The following SERPINB6 variants were observed in gnomAD, a reference collection of about 807,000 sequenced individuals.
The protein encoded by SERPINB6 is serpin B6.
In SERPINB6, 16 loss-of-function variants were observed where a neutral mutation model predicts 26.1. The ratio of observed to expected loss-of-function variants is 0.61; its 90% CI spans 0.42 to 0.93. The LOEUF (loss-of-function observed/expected upper bound fraction) is 0.93. SERPINB6 is among the 40% of genes least tolerant of loss of function. The pLI, the probability that SERPINB6 is intolerant of heterozygous loss-of-function variation, is 0.00. For missense variants in SERPINB6, 420 were observed against 478.0 expected (o/e 0.88, Z 1.13); for synonymous variants, 174 against 176.6 (o/e 0.99, Z 0.11).
chr6:2,953,252 C>T (rs1247057647), intron 4 of SERPINB6, 66 bp from the exon 5 acceptor site: 5 of 1,606,742 alleles, frequency 3.1e-6, no homozygotes, highest in Non-Finnish European at 4.3e-6. Flanking sequence ...CATCAGGAAT[C>T]GGCTGGGGCC....
intron 1 of SERPINB6, among the ~76,000 whole-genome samples, chr6:2,962,398 G>A (rs972234603): frequency 1.3e-5 from 2 of 152,200 alleles, no homozygotes; most frequent in Non-Finnish European, 2.9e-5. Flanking sequence ...CAGGATATTC[G>A]GAGGAGATGG....
intron 1 of SERPINB6, chr6:2,970,724 C>CAAAAAAAAAAAA (rs70995402): frequency 1.2e-6 from 1 of 811,652 alleles, no homozygotes; most frequent in African/African-American, 2.3e-5. Context: ...ATCTTTAGGA[C>CAAAAAAAAAAAA]AAAAAAAAAA....
intron 1 of SERPINB6, chr6:2,962,027 G>A: frequency 3.0e-6 from 3 of 985,280 alleles, no homozygotes; most frequent in Non-Finnish European, 3.6e-6. Context: ...CCAGCCTAAA[G>A]GACTTTTAAT....
intron 1 of SERPINB6, among the ~76,000 whole-genome samples, chr6:2,964,272 C>G (rs928080548): frequency 3.3e-5 from 5 of 152,102 alleles, no homozygotes; most frequent in African/African-American, 1.2e-4. Context: ...ATTAAAAATT[C>G]CACTTCTAGG....
intron 2 of SERPINB6, among the ~76,000 whole-genome samples, chr6:2,958,570 CCAGCGGAGAAGGCCA>C (rs1554102787): frequency 1.1e-5 from 1 of 87,396 alleles, no homozygotes; most frequent in Non-Finnish European, 3.0e-5. Context: ...GTGGAAGGCC[CCAGCGGAGAAGGCCA>C]CGGAGAAGAC....
intron 1 of SERPINB6, chr6:2,962,246 T>A (rs769340339): frequency 1.0e-6 from 1 of 979,474 alleles, no homozygotes; most frequent in African/African-American, 1.8e-5. Flanking sequence ...TCGGTGCACA[T>A]GAGTTTCACT....
chr6:2,969,847 T>C, intron 1 of SERPINB6: 1 of 971,132 alleles, frequency 1.0e-6, no homozygotes, highest in Non-Finnish European at 1.2e-6. Context: ...AGTTAAACAT[T>C]ATTTTCAGGC....
In SERPINB6 at chr6:2,955,673, G is replaced by A. The variant is rs1770392928; in HGVS notation, c.166-3C>T. 6.2e-7 allele frequency: 1 copy of A among 1,614,126 alleles called. No individual in the cohort carries two copies. ...CCACTTTTATTGAAAGAAAGTATCT[G>A]AAATCAAAAACAGAATGAAAACAAA... is the stretch of plus-strand genomic sequence containing the variant. On this transcript the variant is annotated splice_polypyrimidine_tract_variant and splice_region_variant and intron_variant, in intron 2 of 6. Coordinates refer to ENST00000380539, the MANE Select transcript of SERPINB6 (RefSeq NM_004568.6).
At chr6:2,963,394 C>A (rs1232023952) in intron 1 of SERPINB6, 4 of 152,210 alleles carry the variant, frequency 2.6e-5, no homozygotes, top group African/African-American at 9.7e-5. Flanking sequence ...TCTTTAAGTA[C>A]CATGTCTCCA....
intron 1 of SERPINB6, chr6:2,960,447 GATGCAGGA>G (rs1770973089): frequency 6.6e-6 from 1 of 152,310 alleles, no homozygotes; most frequent in Non-Finnish European, 1.5e-5. Flanking sequence ...GGAAGGAGGG[GATGCAGGA>G]ATGCAGGGAT....
At chr6:2,953,012 A>AGAG (rs766046601) in intron 5 of SERPINB6, 32 bp downstream of exon 5, 3 of 1,613,576 alleles carry the variant, frequency 1.9e-6, no homozygotes, top group Non-Finnish European at 2.5e-6. Flanking sequence ...GTGTGAACAC[A>AGAG]GGCGCTGCTC....
rs144890174 is a variant in SERPINB6, at chr6:2,959,185, C to T, written c.148G>A (p.Ala50Thr). ...AGCTGTACCTGGGCCATCTGTGCAG[C>T]GGTGTTTCCCTTTGCCCCCATGTAG... The part of the protein sequence containing the change: ...MVYMGAKGNT[A>T]AQMAQILSFN... The change falls in exon 2 of 7, where the codon GCT becomes ACT. Residue 50 changes from alanine to threonine, a missense_variant. Coordinates refer to ENST00000380539, the MANE Select transcript of SERPINB6 (RefSeq NM_004568.6). The T allele has an allele frequency of 3.4e-5, 55 of 1,614,198 alleles. No homozygotes were observed. The African/African-American group carries it at 3.5e-4, about 10-fold the overall frequency.
intron 5 of SERPINB6, among the ~76,000 whole-genome samples, chr6:2,952,535 G>T (rs977243766): frequency 6.6e-6 from 1 of 152,240 alleles, no homozygotes; most frequent in African/African-American, 2.4e-5. Flanking sequence ...ACAAAAATCT[G>T]TACTTATCCT....
chr6:2,948,745 C>T lies in SERPINB6; in HGVS notation c.730-46G>A, dbSNP rs763146409. 1.3e-5 allele frequency: 21 copies of T among 1,584,456 alleles called. No homozygotes were observed. Among genetic ancestry groups the T allele is most frequent in the Non-Finnish European group, 1.8e-5 (21 of 1,153,756 alleles). ...ACTTTAAGACCCAGGGTGCTGCTGC[C>T]CAGCAGGGCCCTGTGCTATGCTGTG... On this transcript the variant is annotated intron_variant, in intron 6 of 6. Transcript: ENST00000380539. The surrounding 1 kb of genome is among the most constrained non-coding windows in gnomAD (Gnocchi z 5.0).
chr6:2,964,925 C>G (rs758808628), intron 1 of SERPINB6, among the ~76,000 whole-genome samples: 2 of 152,338 alleles, frequency 1.3e-5, no homozygotes, highest in Admixed American at 6.5e-5. Flanking sequence ...CAGCCTCGAA[C>G]TCCTGGCCTC....
Position 2,948,953 on chromosome 6 carries a change from C to A in SERPINB6, c.690G>T (p.Met230Ile). 1 of 1,614,236 alleles carries A rather than the reference C, an allele frequency of 6.2e-7. No individual in the cohort carries two copies. Among genetic ancestry groups the A allele is most frequent in the Non-Finnish European group, 8.5e-7 (1 of 1,180,046 alleles). ...VLPYVGKELN[M>I]IIMLPDETTD... The stretch of plus-strand genomic sequence containing the variant: ...TGGTCTCGTCCGGAAGCATGATGAT[C>A]ATATTCAGTTCCTTGCCAACATATG... The change falls in exon 6 of 7, where the codon ATG becomes ATT. Residue 230 changes from methionine (M) to isoleucine (I), a missense_variant. Transcript: ENST00000380539. This position sits in a 1 kb window ranked among gnomAD's most constrained non-coding sequence, Gnocchi z 5.0.
At chr6:2,969,934 A>G (rs1370846040) in intron 1 of SERPINB6, 36 of 742,452 alleles carry the variant, frequency 4.8e-5, no homozygotes, top group Non-Finnish European at 5.8e-5. Flanking sequence ...CAGGAGTTTG[A>G]GACCAGCCTG....
At chr6:2,959,636 T>C (rs1295652910) in intron 1 of SERPINB6, 2 of 448,020 alleles carry the variant, frequency 4.5e-6, no homozygotes, top group African/African-American at 4.0e-5. Context: ...TCCTGGAGTC[T>C]CTTCCTTGGG....
At chr6:2,959,404 C>T (rs1335495292) in intron 1 of SERPINB6, 62 bp from the exon 2 acceptor site, 29 of 1,562,414 alleles carry the variant, frequency 1.9e-5, no homozygotes, top group African/African-American at 6.7e-5. Flanking sequence ...GCATCTCACG[C>T]GCCTTACCGA....
Sources: gnomAD v4.1 joint callset for allele counts (sites outside exome capture counted in the v4.1 genomes callset) on GRCh38, gnomAD v4.1.1 for gene constraint, Gnocchi (gnomAD v3.1) non-coding constraint, MANE v1.5 for transcripts, NCBI Gene and HGNC (gene_info 2026-07-23, HGNC 2026-07-21) for gene names.